Variants in PRKN observed in about 807,000 individuals in gnomAD.
PRKN encodes the protein parkin RBR E3 ubiquitin protein ligase, also known as E3 ubiquitin-protein ligase parkin.
In PRKN, 56 loss-of-function variants were observed where a neutral mutation model predicts 59.5. The observed-to-expected ratio is 0.94, with a 90% CI of 0.76 to 1.18. PRKN has a LOEUF of 1.18. Ranked by LOEUF, PRKN falls within the 50% of genes most tolerant of loss-of-function variation. The probability of loss-of-function intolerance (pLI) is 0.00; values close to 1 mark genes in which losing one functional copy is unlikely to be tolerated. For missense variants in PRKN, 657 were observed against 596.4 expected (o/e 1.10, Z -1.06); for synonymous variants, 250 against 222.1 (o/e 1.13, Z -1.12).
intron 6 of PRKN, among the ~76,000 whole-genome samples, chr6:161,788,865 C>T (rs945113380): frequency 1.8e-4 from 28 of 152,112 alleles, no homozygotes; most frequent in Non-Finnish European, 2.9e-5. Flanking sequence ...TATACATACA[C>T]AGTCAACTTG....
intron 9 of PRKN, among the ~76,000 whole-genome samples, chr6:161,490,673 G>A (rs918701520): frequency 1.3e-5 from 2 of 152,078 alleles, no homozygotes; most frequent in African/African-American, 4.8e-5. Flanking sequence ...TTACAGGTGT[G>A]AGCCACTGTG....
At chr6:162,229,033 C>T (rs1232121281) in intron 3 of PRKN, among the ~76,000 whole-genome samples, 3 of 152,164 alleles carry the variant, frequency 2.0e-5, no homozygotes, top group Non-Finnish European at 2.9e-5. Context: ...TATCCAAACT[C>T]GCTGCTCAAG....
At position 161,375,631 on chromosome 6, in the gene PRKN, G is replaced by C. The variant is rs182257589; in HGVS notation, c.1167+11163C>G. ...CTGTGTGGCAGGCGACGAAAAGGCTGTGAGCCTTTGAGCAACTTGCCTGGA... is the reference window on the plus strand; with the variant it reads ...CTGTGTGGCAGGCGACGAAAAGGCTCTGAGCCTTTGAGCAACTTGCCTGGA... On this transcript the variant is annotated intron_variant, in intron 10 of 11. Coordinates refer to ENST00000366898, the MANE Select transcript of PRKN (RefSeq NM_004562.3). Among the ~76,000 whole-genome samples, 35 of 152,314 alleles carry C rather than the reference G, an allele frequency of 2.3e-4. No homozygotes were observed. The East Asian group carries it at 6.4e-3, about 28-fold the overall frequency.
At chr6:161,806,522 G>A (rs1791332202) in intron 6 of PRKN, among the ~76,000 whole-genome samples, 1 of 152,098 alleles carries the variant, frequency 6.6e-6, no homozygotes, top group African/African-American at 2.4e-5. Flanking sequence ...AGAGAGTTCA[G>A]ACCCTATGTG....
chr6:161,711,282 A>G (rs556473225), intron 7 of PRKN, among the ~76,000 whole-genome samples: 1 of 152,344 alleles, frequency 6.6e-6, no homozygotes, highest in South Asian at 2.1e-4. Context: ...ATGAGAAAGC[A>G]GCACGATGGT....
chr6:161,437,148 C>T (rs182635930), intron 9 of PRKN, among the ~76,000 whole-genome samples: 1 of 152,272 alleles, frequency 6.6e-6, no homozygotes, highest in African/African-American at 2.4e-5. Context: ...CACAACAGTG[C>T]TACAGCAGAG....
At chr6:162,685,029 T>C (rs898040197) in intron 1 of PRKN, among the ~76,000 whole-genome samples, 1 of 152,200 alleles carries the variant, frequency 6.6e-6, no homozygotes, top group Non-Finnish European at 1.5e-5. Context: ...CTGTATTAAG[T>C]CTGCAGCAGG....
chr6:161,572,259 A>G (rs996310121), intron 7 of PRKN, among the ~76,000 whole-genome samples: 7 of 152,238 alleles, frequency 4.6e-5, no homozygotes, highest in Non-Finnish European at 7.3e-5. Context: ...ATAACATTTC[A>G]TATGTTGAGA....
chr6:161,957,409 G>GTTTT (rs1203607451), intron 6 of PRKN, among the ~76,000 whole-genome samples: 151 of 127,440 alleles, frequency 1.2e-3, no homozygotes, highest in African/African-American at 4.1e-3. Context: ...TGTTCTTGTT[G>GTTTT]TTTTTTTTTT....
chr6:162,220,070 C>T (rs554229131), intron 3 of PRKN, among the ~76,000 whole-genome samples: 1 of 152,088 alleles, frequency 6.6e-6, no homozygotes, highest in East Asian at 1.9e-4. Flanking sequence ...TATAGATATA[C>T]AGAAGAATGA....
chr6:161,538,623 GGCCCACT>G lies in PRKN; in HGVS notation c.1083+10224_1083+10230del, dbSNP rs137903842. Among the ~76,000 whole-genome samples, 554 of 152,124 alleles carry G rather than the reference GGCCCACT, an allele frequency of 3.6e-3. 5 individuals carry two copies. The highest frequency in any genetic ancestry group is 6.7e-3 in the Non-Finnish European group (459 of 68,006). On this transcript the variant is annotated intron_variant, in intron 9 of 11. Coordinates refer to ENST00000366898, the MANE Select transcript of PRKN (RefSeq NM_004562.3). This position sits in a 1 kb window ranked among gnomAD's most constrained non-coding sequence, Gnocchi z 4.2. The stretch of plus-strand genomic sequence containing the variant: ...AGGACTTCAACTGGTAGAATCCTGG[GGCCCACT>G]GAGATGCCAAGCGGAGAAGGAGGAA...
In PRKN at chr6:161,771,366, A is replaced by AG. The variant is rs200952330; in HGVS notation, c.871+14405_871+14406insC. ...ACAAGACTCCACCTCAAAAAAAAAA[A>AG]AAAAATAAAATAAAATAAAATAAAA... On this transcript the variant is annotated intron_variant, in intron 7 of 11. Coordinates refer to ENST00000366898, the MANE Select transcript of PRKN (RefSeq NM_004562.3). Among the ~76,000 whole-genome samples, 10 of 118,980 alleles carry AG rather than the reference A, an allele frequency of 8.4e-5. 1 individual carries two copies. The highest frequency in any genetic ancestry group is 5.8e-4 in the Admixed American group (7 of 12,128). 78.1% of individuals were successfully genotyped at this position (118,980 alleles called of 152,430 possible). A position where few individuals can be genotyped will look rare whatever the true frequency, so the allele number is the denominator to read the frequency against.
At chr6:161,997,308 C>G (rs1781885049) in intron 5 of PRKN, among the ~76,000 whole-genome samples, 1 of 152,062 alleles carries the variant, frequency 6.6e-6, no homozygotes, top group Non-Finnish European at 1.5e-5. Flanking sequence ...AAACTACAAC[C>G]TTCTCCTTAG....
At chr6:161,443,557 G>T (rs1226110658) in intron 9 of PRKN, among the ~76,000 whole-genome samples, 1 of 152,114 alleles carries the variant, frequency 6.6e-6, no homozygotes, top group African/African-American at 2.4e-5. Flanking sequence ...AAGGAAAGAA[G>T]CCTGACAGTA....
intron 1 of PRKN, among the ~76,000 whole-genome samples, chr6:162,671,768 AAAAT>A (rs1779329558): frequency 6.6e-6 from 1 of 151,582 alleles, no homozygotes; most frequent in African/African-American, 2.4e-5. Context: ...ACTATTAAAT[AAAAT>A]AAAATATTAA....
At chr6:162,713,933 A>G (rs1400265689) in intron 1 of PRKN, among the ~76,000 whole-genome samples, 2 of 152,216 alleles carry the variant, frequency 1.3e-5, no homozygotes, top group Non-Finnish European at 2.9e-5. Context: ...ACTGTGCTAA[A>G]AATTAAGAAA....
chr6:162,480,933 G>A (rs1452067363), intron 1 of PRKN, among the ~76,000 whole-genome samples: 2 of 152,024 alleles, frequency 1.3e-5, no homozygotes, highest in Non-Finnish European at 2.9e-5. Flanking sequence ...AGCCTCCTGA[G>A]TACCTGGCAC....
At chr6:161,618,781 A>C (rs2128149693) in intron 7 of PRKN, among the ~76,000 whole-genome samples, 1 of 152,320 alleles carries the variant, frequency 6.6e-6, no homozygotes. Context: ...TCTAATTTTA[A>C]TCCAAAAGAC....
At chr6:161,626,138 C>T (rs1174830324) in intron 7 of PRKN, among the ~76,000 whole-genome samples, 5 of 152,146 alleles carry the variant, frequency 3.3e-5, no homozygotes, top group Non-Finnish European at 5.9e-5. Context: ...TATTCCTCGC[C>T]GTGCACACAG....
Sources: allele counts gnomAD v4.1 joint callset (sites outside exome capture counted in the v4.1 genomes callset), GRCh38; gene constraint gnomAD v4.1.1; non-coding constraint Gnocchi (gnomAD v3.1); transcripts MANE v1.5; gene names NCBI Gene and HGNC (gene_info 2026-07-23, HGNC 2026-07-21).